Variants in ASB15 observed in about 807,000 individuals in gnomAD.
The protein encoded by ASB15 is ankyrin repeat and SOCS box protein 15.
In ASB15, 54 loss-of-function variants were observed where a neutral mutation model predicts 58.0. The observed-to-expected ratio is 0.93, with a 90% CI of 0.75 to 1.17. The LOEUF (loss-of-function observed/expected upper bound fraction) is 1.17. Ranked by LOEUF, ASB15 falls within the 50% of genes most tolerant of loss-of-function variation. The pLI, the probability that ASB15 is intolerant of heterozygous loss-of-function variation, is 0.00. For synonymous variants in ASB15, 249 were observed against 262.4 expected (o/e 0.95, Z 0.50); for missense variants, 680 against 707.4 (o/e 0.96, Z 0.44).
intron 11 of ASB15, among the ~76,000 whole-genome samples, chr7:123,633,990 AG>A (rs1802277637): frequency 6.6e-6 from 1 of 152,206 alleles, no homozygotes; most frequent in African/African-American, 2.4e-5. Context: ...AATGAATTGA[AG>A]CCAATCTATT....
Position 123,567,748 on chromosome 7 carries a change from T to G in ASB15, c.-443+660T>G, listed in dbSNP as rs529223592. Among the ~76,000 whole-genome samples the G allele has an allele frequency of 1.1e-4, 17 of 152,226 alleles. No individual in the cohort carries two copies. The East Asian group carries it at 2.1e-3, about 19-fold the overall frequency. On this transcript the variant is annotated intron_variant, in intron 1 of 13. Coordinates refer to the ASB15 transcript ENST00000451558. Reference sequence around the variant, plus strand: ...TGCTTAGCCAGTTTCCCCTTATTTTTCAAGACTGGTAGCAAAAGCGAAAAT... The same window carrying G: ...TGCTTAGCCAGTTTCCCCTTATTTTGCAAGACTGGTAGCAAAAGCGAAAAT...
chr7:123,621,266 T>C (rs1468494464), intron 7 of ASB15: 3 of 152,208 alleles, frequency 2.0e-5, no homozygotes, highest in African/African-American at 7.2e-5. Context: ...TAGGAAGTAA[T>C]ATATTTTAAA....
chr7:123,580,115 G>C (rs1473360825), intron 1 of ASB15, among the ~76,000 whole-genome samples: 1 of 151,988 alleles, frequency 6.6e-6, no homozygotes, highest in Non-Finnish European at 1.5e-5. Context: ...GTCTAAATTG[G>C]GTCTTAAATT....
intron 1 of ASB15, among the ~76,000 whole-genome samples, chr7:123,594,367 T>TTTTGGAA (rs1799634148): frequency 6.6e-6 from 1 of 152,126 alleles, no homozygotes; most frequent in African/African-American, 2.4e-5. Flanking sequence ...GCATTCTGCT[T>TTTTGGAA]TTTGGAATTT....
intron 11 of ASB15, among the ~76,000 whole-genome samples, chr7:123,632,954 C>T (rs1405326187): frequency 6.6e-6 from 1 of 152,132 alleles, no homozygotes; most frequent in Non-Finnish European, 1.5e-5. Flanking sequence ...AATGGAGTAA[C>T]ATATTTAAGA....
chr7:123,580,898 G>A (rs564320272), intron 1 of ASB15, among the ~76,000 whole-genome samples: 2 of 152,046 alleles, frequency 1.3e-5, no homozygotes, highest in South Asian at 2.1e-4. Flanking sequence ...GAGACCGTTC[G>A]GTTAAGTCTA....
intron 1 of ASB15, among the ~76,000 whole-genome samples, chr7:123,586,096 A>G: frequency 6.6e-6 from 1 of 151,844 alleles, no homozygotes; most frequent in Non-Finnish European, 1.5e-5. Context: ...ATATACTAAC[A>G]GGTGAGGTTG....
chr7:123,568,452 T>C (rs1215276098), intron 1 of ASB15, among the ~76,000 whole-genome samples: 1 of 147,700 alleles, frequency 6.8e-6, no homozygotes, highest in Admixed American at 6.9e-5. Context: ...CCCGGGAGGG[T>C]GGAGGTTGCA....
At chr7:123,573,108 C>T (rs1175869391) in intron 1 of ASB15, among the ~76,000 whole-genome samples, 1 of 152,002 alleles carries the variant, frequency 6.6e-6, no homozygotes, top group Non-Finnish European at 1.5e-5. Flanking sequence ...CCTGAAATCA[C>T]CTCTTCCATG....
chr7:123,613,975 G>A (rs148065658), intron 3 of ASB15, among the ~76,000 whole-genome samples: 2,572 of 152,216 alleles, frequency 0.017, 75 homozygotes, highest in African/African-American at 0.059. Flanking sequence ...GAATCCAGGA[G>A]GCGGAGGTTG....
chr7:123,575,468 A>G (rs1799038772), intron 1 of ASB15, among the ~76,000 whole-genome samples: 1 of 152,116 alleles, frequency 6.6e-6, no homozygotes, highest in South Asian at 2.1e-4. Context: ...ACAATTAAAG[A>G]AAACAACTTT....
At chr7:123,635,298 C>T (rs1052943770) in intron 11 of ASB15, among the ~76,000 whole-genome samples, 4 of 152,038 alleles carry the variant, frequency 2.6e-5, no homozygotes, top group South Asian at 2.1e-4. Context: ...TATAGATGTT[C>T]GACTAATAAT....
At position 123,638,243 on chromosome 7, in the gene ASB15, C is replaced by T. The variant is rs948367806; in HGVS notation, c.*1262C>T. On this transcript the variant is annotated 3_prime_UTR_variant, in exon 12 of 12. Coordinates refer to ENST00000451215, the MANE Select transcript of ASB15 (RefSeq NM_001290258.2). ...TTTCACTTCTCTGCTTAAGATCATTCCCATTGCTCTTAAATTCCAAAGTTC... is the reference window on the plus strand; with the variant it reads ...TTTCACTTCTCTGCTTAAGATCATTTCCATTGCTCTTAAATTCCAAAGTTC... 1.8e-4 allele frequency: 28 copies of T among 152,124 alleles called. No homozygotes were observed. Among genetic ancestry groups the T allele is most frequent in the African/African-American group, 6.3e-4 (26 of 41,412 alleles). The allele number at this position is 152,124 out of a possible 1,614,324, so 9.4% of individuals were successfully genotyped here.
intron 1 of ASB15, among the ~76,000 whole-genome samples, chr7:123,602,469 A>G (rs1387282036): frequency 6.6e-6 from 1 of 152,096 alleles, no homozygotes; most frequent in African/African-American, 2.4e-5. Flanking sequence ...TTTATCTGAT[A>G]TCGTCACTCA....
chr7:123,629,970 G>GTGAGTTTAT lies in ASB15; in HGVS notation c.1447_1455dup (p.Glu483_Ile485dup). 1 of 1,573,562 alleles carries GTGAGTTTAT rather than the reference G, an allele frequency of 6.4e-7. No homozygotes were observed. The highest frequency in any genetic ancestry group is 8.7e-7 in the Non-Finnish European group (1 of 1,151,818). On this transcript the variant is annotated inframe_insertion, in exon 11 of 12. Transcript: ENST00000451215. ...AAATTTTATCAATTCTCTCAGTTCT[G>GTGAGTTTAT]TGAGTTTATTACAGTTCCTTGGATG...
At chr7:123,586,780 T>C (rs1021648232) in intron 1 of ASB15, among the ~76,000 whole-genome samples, 4 of 151,778 alleles carry the variant, frequency 2.6e-5, no homozygotes, top group Non-Finnish European at 5.9e-5. Flanking sequence ...TATCCAGTTT[T>C]CCCAACATGA....
At chr7:123,612,487 C>G (rs1800521313) in intron 3 of ASB15, 1 of 152,026 alleles carries the variant, frequency 6.6e-6, no homozygotes, top group Admixed American at 6.5e-5. Context: ...GAGATATTCA[C>G]AGATTAAGAT....
rs1490588017 is a variant in ASB15, at chr7:123,620,537, TATATATATATATATATA to T, written c.451+2801_451+2817del. On this transcript the variant is annotated intron_variant, in intron 7 of 11. Coordinates refer to ENST00000451215, the MANE Select transcript of ASB15 (RefSeq NM_001290258.2). Reference sequence around the variant, plus strand: ...ATATATATATATATATATATATATATATATATATATATATATATTTTTTTTTTTTTTTTTTTTTTTTT... The same window carrying T: ...ATATATATATATATATATATATATATTTTTTTTTTTTTTTTTTTTTTTTTT... Among the ~76,000 whole-genome samples the T allele has an allele frequency of 2.3e-3, 50 of 22,098 alleles. 1 individual carries two copies. Among genetic ancestry groups the T allele is most frequent in the South Asian group, 5.2e-3 (3 of 574 alleles). The allele number at this position is 22,098 out of a possible 152,430, so 14.5% of individuals were successfully genotyped here. A position where few individuals can be genotyped will look rare whatever the true frequency, so the allele number is the denominator to read the frequency against.
In ASB15 at chr7:123,569,028, T is replaced by A. The variant is rs552075616; in HGVS notation, c.-443+1940T>A. On this transcript the variant is annotated intron_variant, in intron 1 of 13. Coordinates refer to the ASB15 transcript ENST00000451558. ...ATGTGAGAAGGATATGAATGTTTTT[T>A]AAAAACTGAATAAACTACATAACAA... Among the ~76,000 whole-genome samples, 37 of 152,322 alleles carry A rather than the reference T, an allele frequency of 2.4e-4. 1 individual carries two copies. The South Asian group carries it at 7.7e-3, about 32-fold the overall frequency.
Sources: gnomAD v4.1 joint callset for allele counts (sites outside exome capture counted in the v4.1 genomes callset) on GRCh38, gnomAD v4.1.1 for gene constraint, MANE v1.5 for transcripts, NCBI Gene and HGNC (gene_info 2026-07-23, HGNC 2026-07-21) for gene names.